Variants in AFF3 observed in about 807,000 individuals in gnomAD.
The protein encoded by AFF3 is AF4/FMR2 family member 3.
AFF3 carries 32 observed loss-of-function variants against 129.7 expected under a neutral mutation model. That is an observed-to-expected ratio of 0.25 (90% CI 0.19 to 0.33). The LOEUF is 0.33. AFF3 is among the 10% of genes least tolerant of loss of function. AFF3 has a pLI of 1.00. For missense variants in AFF3, 1,373 were observed against 1,592.0 expected, an observed-to-expected ratio of 0.86 and a Z score of 2.34; for synonymous variants, 644 against 635.4, an observed-to-expected ratio of 1.01 and a Z score of -0.20.
intron 2 of AFF3, among the ~76,000 whole-genome samples, chr2:100,125,349 T>TA (rs146185960): frequency 4.0e-5 from 6 of 151,022 alleles, no homozygotes; most frequent in African/African-American, 7.3e-5. Context: ...ATTGACAGAT[T>TA]AAAAAAAAAT....
intron 8 of AFF3, among the ~76,000 whole-genome samples, chr2:99,831,727 G>A (rs1178939284): frequency 6.6e-6 from 1 of 152,174 alleles, no homozygotes; most frequent in East Asian, 1.9e-4. Flanking sequence ...CTATAAAGAT[G>A]TTATGAAAAT....
At chr2:100,004,321 C>A (rs1337518108) in intron 7 of AFF3, among the ~76,000 whole-genome samples, 3 of 152,130 alleles carry the variant, frequency 2.0e-5, no homozygotes, top group Middle Eastern at 3.2e-3. Context: ...AAAATATTGG[C>A]ATGAATATTT....
intron 22 of AFF3, among the ~76,000 whole-genome samples, chr2:99,556,301 C>T (rs949920430): frequency 9.9e-5 from 15 of 151,894 alleles, no homozygotes; most frequent in African/African-American, 3.1e-4. Context: ...AAAAATTGGC[C>T]GGGTGTGGTG....
intron 13 of AFF3, among the ~76,000 whole-genome samples, chr2:99,632,657 C>T (rs17022805): frequency 0.067 from 10,253 of 152,202 alleles, 431 homozygotes; most frequent in East Asian, 0.12. Context: ...TGCCTGTCTA[C>T]CTGAATTCCC....
intron 7 of AFF3, among the ~76,000 whole-genome samples, chr2:99,841,295 A>C (rs2105814231): frequency 6.6e-6 from 1 of 152,332 alleles, no homozygotes; most frequent in South Asian, 2.1e-4. Context: ...ATGCCCTATT[A>C]GATACTTCTC....
At chr2:99,930,086 C>G (rs534430447) in intron 7 of AFF3, among the ~76,000 whole-genome samples, 2 of 152,140 alleles carry the variant, frequency 1.3e-5, no homozygotes, top group East Asian at 3.9e-4. Context: ...TGATTCTGGG[C>G]TAAGAGAGTG....
chr2:99,593,189 G>A lies in AFF3; in HGVS notation c.2466+6C>T, dbSNP rs1471053819. 2.6e-6 allele frequency: 4 copies of A among 1,566,352 alleles called. No homozygotes were observed. The highest frequency in any genetic ancestry group is 3.5e-6 in the Non-Finnish European group (4 of 1,154,196). On this transcript the variant is annotated splice_donor_region_variant and intron_variant, in intron 15 of 24. Coordinates refer to ENST00000672756, the MANE Select transcript of AFF3 (RefSeq NM_001386135.1). ...GCCCCCGCACCCCAGTCAGCCCCAG[G>A]CCTACCTTGCGTTTCCTCTTGGATT...
chr2:100,120,628 T>C (rs1300590310), intron 2 of AFF3, among the ~76,000 whole-genome samples: 2 of 152,032 alleles, frequency 1.3e-5, no homozygotes, highest in Admixed American at 1.3e-4. Context: ...TTCAGAAAAT[T>C]ATTATGAGAT....
chr2:99,812,569 G>A (rs903640848), intron 8 of AFF3, among the ~76,000 whole-genome samples: 3 of 152,216 alleles, frequency 2.0e-5, no homozygotes, highest in Non-Finnish European at 4.4e-5. Flanking sequence ...TGGTATCATA[G>A]AGGAAACTAC....
chr2:99,764,465 T>C (rs1222977140), intron 8 of AFF3, among the ~76,000 whole-genome samples: 1 of 152,164 alleles, frequency 6.6e-6, no homozygotes, highest in Non-Finnish European at 1.5e-5. Context: ...AGGATGAGAG[T>C]CACCTGTCTT....
In AFF3 at chr2:99,874,255, T is replaced by C. The variant is rs145748024; in HGVS notation, c.874-36731A>G. Among the ~76,000 whole-genome samples, 808 of 152,302 alleles carry C rather than the reference T, an allele frequency of 5.3e-3. 5 individuals are homozygous for C. Among genetic ancestry groups the C allele is most frequent in the Non-Finnish European group, 9.4e-3 (640 of 68,026 alleles). ...CATTACCTAGCCCACTTCTGCAGAC[T>C]TCAGAGCATGTCTTCTTAGGGGCTG... On this transcript the variant is annotated intron_variant, in intron 7 of 24. Coordinates refer to ENST00000672756, the MANE Select transcript of AFF3 (RefSeq NM_001386135.1).
At chr2:99,848,727 T>G (rs1225608479) in intron 7 of AFF3, among the ~76,000 whole-genome samples, 1 of 152,228 alleles carries the variant, frequency 6.6e-6, no homozygotes, top group African/African-American at 2.4e-5. Flanking sequence ...TTGTCATGGT[T>G]ATTTTCTATC....
intron 7 of AFF3, among the ~76,000 whole-genome samples, chr2:99,898,433 C>G (rs1308913685): frequency 6.6e-6 from 1 of 152,166 alleles, no homozygotes; most frequent in Non-Finnish European, 1.5e-5. Context: ...TGCTGCCAGG[C>G]TAGCTCTTGA....
chr2:99,920,766 C>T (rs1695804881), intron 7 of AFF3, among the ~76,000 whole-genome samples: 1 of 151,928 alleles, frequency 6.6e-6, no homozygotes, highest in Non-Finnish European at 1.5e-5. Flanking sequence ...TATTATTCAT[C>T]ATGTGTATGT....
At chr2:99,830,300 T>A (rs1288693335) in intron 8 of AFF3, among the ~76,000 whole-genome samples, 1 of 151,556 alleles carries the variant, frequency 6.6e-6, no homozygotes, top group African/African-American at 2.4e-5. Context: ...AAAATAAAAA[T>A]AAAAATAAAA....
chr2:99,969,467 T>C (rs954416227), intron 7 of AFF3, among the ~76,000 whole-genome samples: 4 of 123,516 alleles, frequency 3.2e-5, no homozygotes, highest in African/African-American at 1.6e-4. Context: ...ACACAAATTT[T>C]ATTTTATTTT....
At chr2:99,843,034 T>C (rs1689437646) in intron 7 of AFF3, among the ~76,000 whole-genome samples, 1 of 152,244 alleles carries the variant, frequency 6.6e-6, no homozygotes, top group South Asian at 2.1e-4. Context: ...AGAAATTGTG[T>C]ATCCCATGTA....
At chr2:99,848,600 T>C (rs1689908662) in intron 7 of AFF3, among the ~76,000 whole-genome samples, 1 of 152,228 alleles carries the variant, frequency 6.6e-6, no homozygotes, top group African/African-American at 2.4e-5. Flanking sequence ...TAAAAAGGCT[T>C]GTAATCCAAC....
At chr2:99,787,497 CCCCCTG>C (rs1297843623) in intron 8 of AFF3, among the ~76,000 whole-genome samples, 1 of 152,156 alleles carries the variant, frequency 6.6e-6, no homozygotes, top group East Asian at 1.9e-4. Flanking sequence ...AGGCGATGTG[CCCCCTG>C]CCCAGCTGTT....
Sources: gnomAD v4.1 joint callset for allele counts (sites outside exome capture counted in the v4.1 genomes callset) on GRCh38, gnomAD v4.1.1 for gene constraint, MANE v1.5 for transcripts, NCBI Gene and HGNC (gene_info 2026-07-23, HGNC 2026-07-21) for gene names.